Variants in PRH1 observed in about 807,000 individuals in gnomAD.
The protein encoded by PRH1 is proline rich protein HaeIII subfamily 1.
In PRH1, 7 loss-of-function variants were observed where a neutral mutation model predicts 7.9. The ratio of observed to expected loss-of-function variants is 0.89; its 90% CI spans 0.50 to 1.67. The LOEUF (loss-of-function observed/expected upper bound fraction) is 1.67, where lower values mean the gene tolerates loss of function less well. Ranked by LOEUF, PRH1 falls within the 40% of genes most tolerant of loss-of-function variation. The pLI is 0.00. For missense variants in PRH1, 109 were observed against 223.6 expected (o/e 0.49, Z 3.27); for synonymous variants, 45 against 80.8 (o/e 0.56, Z 2.38).
intron 1 of PRH1, chr12:11,134,561 G>A: frequency 3.3e-6 from 1 of 298,978 alleles, no homozygotes; most frequent in South Asian, 5.5e-5. Flanking sequence ...ATTCTCATTT[G>A]CTAGTATGCA....
intron 1 of PRH1, among the ~76,000 whole-genome samples, chr12:11,039,349 T>C (rs1404995128): frequency 2.0e-5 from 3 of 152,260 alleles, no homozygotes; most frequent in South Asian, 2.1e-4. Flanking sequence ...GGCCAACGGA[T>C]GTAATCAATG....
At chr12:11,115,665 C>T (rs1945711500) in intron 1 of PRH1, among the ~76,000 whole-genome samples, 1 of 151,986 alleles carries the variant, frequency 6.6e-6, no homozygotes, top group African/African-American at 2.4e-5. Context: ...AAGTCTTGAA[C>T]AATCCAAAAA....
chr12:11,144,972 G>C (rs572693923), intron 1 of PRH1, among the ~76,000 whole-genome samples: 1 of 152,286 alleles, frequency 6.6e-6, no homozygotes, highest in African/African-American at 2.4e-5. Flanking sequence ...GGAGCACTCT[G>C]CTTCCTTCAG....
intron 1 of PRH1, among the ~76,000 whole-genome samples, chr12:11,020,334 C>G (rs1451510386): frequency 2.8e-5 from 4 of 142,028 alleles, no homozygotes; most frequent in Non-Finnish European, 1.5e-5. Flanking sequence ...ATGGTGATTA[C>G]ATTGTACTAG....
intron 1 of PRH1, chr12:11,134,661 G>A (rs1254079251): frequency 1.1e-5 from 2 of 182,874 alleles, no homozygotes; most frequent in East Asian, 1.5e-4. Context: ...TGCTTGGGAA[G>A]TTTTATAACC....
At chr12:11,138,070 CT>C (rs955821977) in intron 1 of PRH1, among the ~76,000 whole-genome samples, 2 of 152,044 alleles carry the variant, frequency 1.3e-5, no homozygotes, top group African/African-American at 4.8e-5. Flanking sequence ...GATTTATTTG[CT>C]TTTTTTATTT....
At chr12:11,062,320 T>G in intron 1 of PRH1, 1 of 1,572,432 alleles carries the variant, frequency 6.4e-7, no homozygotes, top group Non-Finnish European at 8.6e-7. Flanking sequence ...AAGAAATTTT[T>G]AAAATGCTGG....
At chr12:11,067,209 C>G (rs1323154764) in intron 1 of PRH1, among the ~76,000 whole-genome samples, 9 of 152,146 alleles carry the variant, frequency 5.9e-5, no homozygotes, top group African/African-American at 2.2e-4. Flanking sequence ...TGATTTTTTT[C>G]TCCAATGCAG....
chr12:11,124,206 T>C (rs1027170858), intron 1 of PRH1, among the ~76,000 whole-genome samples: 1 of 152,280 alleles, frequency 6.6e-6, no homozygotes, highest in Admixed American at 6.5e-5. Flanking sequence ...CAAAATATCA[T>C]TGCAATAGAT....
intron 1 of PRH1, among the ~76,000 whole-genome samples, chr12:11,107,497 A>G (rs889019126): frequency 6.6e-6 from 1 of 152,182 alleles, no homozygotes; most frequent in African/African-American, 2.4e-5. Context: ...ATTCAGTGCA[A>G]TCCCTATCAA....
chr12:11,061,771 G>T, intron 1 of PRH1: 1 of 1,614,134 alleles, frequency 6.2e-7, no homozygotes, highest in South Asian at 1.1e-5. Flanking sequence ...CGTTGTATTT[G>T]AAAGGTACAT....
intron 1 of PRH1, among the ~76,000 whole-genome samples, chr12:10,987,095 T>G (rs1054746802): frequency 4.6e-5 from 7 of 152,182 alleles, no homozygotes; most frequent in African/African-American, 1.7e-4. Context: ...TCAAATTAAC[T>G]CATTCATTCA....
At chr12:11,081,686 A>G (rs576156040) in intron 1 of PRH1, among the ~76,000 whole-genome samples, 1 of 116,182 alleles carries the variant, frequency 8.6e-6, no homozygotes, top group East Asian at 2.1e-4. Context: ...AATAGATAAA[A>G]TATATTTCAC....
chr12:11,161,560 C>A (rs569210795), intron 1 of PRH1, among the ~76,000 whole-genome samples: 1 of 151,992 alleles, frequency 6.6e-6, no homozygotes, highest in East Asian at 1.9e-4. Context: ...GGGTTGTTCT[C>A]CAAAATATTT....
At chr12:11,059,681 T>TATCACTATATATATATATATAGTGTGAC (rs1943506075) in intron 1 of PRH1, among the ~76,000 whole-genome samples, 1 of 148,898 alleles carries the variant, frequency 6.7e-6, no homozygotes, top group Non-Finnish European at 1.5e-5. Flanking sequence ...CAAGACTATA[T>TATCACTATATATATATATATAGTGTGAC]TATTGTCATA....
chr12:11,112,222 G>A (rs1011814765), intron 1 of PRH1, among the ~76,000 whole-genome samples: 2 of 152,050 alleles, frequency 1.3e-5, no homozygotes, highest in African/African-American at 2.4e-5. Context: ...TCTACCAGAG[G>A]TACAAAGAGG....
intron 2 of PRH1, among the ~76,000 whole-genome samples, chr12:10,959,840 T>C (rs1427466348): frequency 1.3e-5 from 2 of 152,144 alleles, no homozygotes; most frequent in South Asian, 2.1e-4. Flanking sequence ...AAAACAAGTC[T>C]GATTGATTAA....
At chr12:11,031,483 C>A in intron 1 of PRH1, 2 of 938,754 alleles carry the variant, frequency 2.1e-6, no homozygotes, top group South Asian at 1.9e-5. Context: ...GGCATGGACC[C>A]AAAGAGTGAG....
intron 2 of PRH1, chr12:10,908,234 T>G (rs1427065321): frequency 3.3e-6 from 2 of 611,726 alleles, no homozygotes; most frequent in Non-Finnish European, 5.5e-6. Flanking sequence ...AAGATGCTAT[T>G]ATAGAGAAGA....
Sources: allele counts gnomAD v4.1 joint callset (sites outside exome capture counted in the v4.1 genomes callset), GRCh38; gene constraint gnomAD v4.1.1; transcripts MANE v1.5; gene names NCBI Gene and HGNC (gene_info 2026-07-23, HGNC 2026-07-21).